The following ANKFN1 variants were observed in gnomAD, a reference collection of about 807,000 sequenced individuals.
ANKFN1 encodes ankyrin repeat and fibronectin type-III domain-containing protein 1.
A neutral mutation model predicts 108.7 loss-of-function variants in ANKFN1; 74 were observed. The ratio of observed to expected loss-of-function variants is 0.68; its 90% CI spans 0.56 to 0.83. The LOEUF is 0.83. ANKFN1 is among the 40% of genes least tolerant of loss of function. The pLI, the probability that ANKFN1 is intolerant of heterozygous loss-of-function variation, is 0.00. For missense variants in ANKFN1, 1,505 were observed against 1,382.3 expected, an observed-to-expected ratio of 1.09 and a Z score of -1.41; for synonymous variants, 547 against 516.2, an observed-to-expected ratio of 1.06 and a Z score of -0.81.
rs150567106 is a variant in ANKFN1 at position 56,259,500 on chromosome 17, T to C, written c.53+31543T>C. Among the ~76,000 whole-genome samples, 4 of 152,284 alleles carry C rather than the reference T, an allele frequency of 2.6e-5. No homozygotes were observed. In the East Asian group the frequency reaches 7.7e-4, roughly 29 times the overall value. The stretch of plus-strand genomic sequence containing the variant: ...AATTTTCTATGGATTGTCCCTGTTT[T>C]GTCACTTACTCTTAGACTTCTGTTT... On this transcript the variant is annotated intron_variant, in intron 3 of 20. Coordinates refer to ENST00000682825, the MANE Select transcript of ANKFN1 (RefSeq NM_001370326.1).
intron 4 of ANKFN1, among the ~76,000 whole-genome samples, chr17:56,139,219 A>C (rs142760279): frequency 6.6e-6 from 1 of 152,332 alleles, no homozygotes; most frequent in Non-Finnish European, 1.5e-5. Context: ...ACAAACAATA[A>C]AGTGATCACC....
At chr17:56,072,328 G>A (rs1486599226) in intron 4 of ANKFN1, among the ~76,000 whole-genome samples, 7 of 151,806 alleles carry the variant, frequency 4.6e-5, no homozygotes, top group Admixed American at 1.3e-4. Context: ...TGTAGTGTAC[G>A]TATAAGAAGG....
At chr17:56,098,926 C>T (rs551382978) in intron 4 of ANKFN1, among the ~76,000 whole-genome samples, 20 of 152,022 alleles carry the variant, frequency 1.3e-4, no homozygotes, top group African/African-American at 3.1e-4. Context: ...AATGTCTTTG[C>T]GGTTACATCT....
chr17:56,324,144 A>T (rs965949607), intron 3 of ANKFN1, among the ~76,000 whole-genome samples: 10 of 152,214 alleles, frequency 6.6e-5, no homozygotes, highest in Admixed American at 6.5e-5. Flanking sequence ...CAAAATAGCT[A>T]CAGCATGGAA....
rs1158777482 is a variant in ANKFN1, at chr17:56,511,226, C to A, written c.3398C>A (p.Pro1133His). 2 of 1,533,496 alleles carry A rather than the reference C, an allele frequency of 1.3e-6. No individual in the cohort carries two copies. Among genetic ancestry groups the A allele is most frequent in the Non-Finnish European group, 1.7e-6 (2 of 1,145,122 alleles). The allele number at this position is 1,533,496 out of a possible 1,614,324, so 95.0% of individuals were successfully genotyped here. ...GGCCCCGATGTGAGTCAGGAGGGCC[C>A]CACCGCCTCTCCCATGTCAGAAATA... is the stretch of plus-strand genomic sequence containing the variant. The part of the protein sequence containing the change: ...PTGPDVSQEG[P>H]TASPMSEILS... The change falls in exon 21 of 21, where the codon CCC becomes CAC. Residue 1133 changes from proline to histidine, a missense_variant. Transcript: ENST00000682825.
intron 8 of ANKFN1, among the ~76,000 whole-genome samples, chr17:56,377,920 G>T (rs1379409064): frequency 6.6e-6 from 1 of 151,978 alleles, no homozygotes; most frequent in African/African-American, 2.4e-5. Context: ...TGCTGCAGTA[G>T]TTGCTGCATT....
intron 1 of ANKFN1, among the ~76,000 whole-genome samples, chr17:56,158,811 C>T (rs773273996): frequency 2.1e-4 from 32 of 152,012 alleles, no homozygotes; most frequent in Non-Finnish European, 4.1e-4. Flanking sequence ...ATCTGCCTCA[C>T]ATGAAAAGCT....
chr17:56,074,500 A>C (rs1479376872), intron 4 of ANKFN1, among the ~76,000 whole-genome samples: 1 of 152,192 alleles, frequency 6.6e-6, no homozygotes, highest in African/African-American at 2.4e-5. Flanking sequence ...GTAATTTGCT[A>C]AAGAAATGCC....
intron 15 of ANKFN1, among the ~76,000 whole-genome samples, chr17:56,468,667 A>T (rs1427743205): frequency 6.6e-6 from 1 of 152,218 alleles, no homozygotes; most frequent in Non-Finnish European, 1.5e-5. Context: ...TTCCCCGCCA[A>T]GGGGTGGCAA....
At chr17:56,449,600 C>A (rs936362770) in intron 11 of ANKFN1, among the ~76,000 whole-genome samples, 1 of 152,166 alleles carries the variant, frequency 6.6e-6, no homozygotes, top group East Asian at 1.9e-4. Context: ...TAATAATAAA[C>A]CTCCATATTT....
intron 9 of ANKFN1, among the ~76,000 whole-genome samples, chr17:56,441,534 T>A (rs1397876656): frequency 3.3e-5 from 5 of 152,080 alleles, no homozygotes; most frequent in Non-Finnish European, 5.9e-5. Flanking sequence ...CCCCCAGAGA[T>A]GCTATCAGTA....
In ANKFN1 at chr17:56,296,675, C is replaced by T. The variant is rs184644550; in HGVS notation, c.54-29546C>T. Among the ~76,000 whole-genome samples the T allele has an allele frequency of 9.9e-5, 15 of 152,242 alleles. No individual in the cohort carries two copies. In the East Asian group the frequency reaches 2.9e-3, roughly 29 times the overall value. ...CTCCAGCCTGGGCGACAGAGTAAGA[C>T]TCCGTCTCAAAAAACAAACAAACAA... On this transcript the variant is annotated intron_variant, in intron 3 of 20. Transcript: ENST00000682825.
intron 10 of ANKFN1, among the ~76,000 whole-genome samples, chr17:56,446,648 T>C (rs1007424297): frequency 1.3e-5 from 2 of 152,206 alleles, no homozygotes; most frequent in African/African-American, 4.8e-5. Context: ...AAAAACTCTG[T>C]AATCCCAGTA....
rs374690451 is a variant in ANKFN1, at chr17:56,389,650, C to A, written c.910+14936C>A. Among the ~76,000 whole-genome samples, 8 of 152,154 alleles carry A rather than the reference C, an allele frequency of 5.3e-5. No individual in the cohort carries two copies. The East Asian group carries it at 1.5e-3, about 29-fold the overall frequency. ...TATTTCAAAAAATTGTGTAAGTTAG[C>A]TAGAGACAAACACAAAACTAAGGTT... On this transcript the variant is annotated intron_variant, in intron 8 of 20. Coordinates refer to ENST00000682825, the MANE Select transcript of ANKFN1 (RefSeq NM_001370326.1).
chr17:56,242,400 T>C (rs1040946993), intron 3 of ANKFN1, among the ~76,000 whole-genome samples: 1 of 152,128 alleles, frequency 6.6e-6, no homozygotes, highest in Non-Finnish European at 1.5e-5. Flanking sequence ...TAGTATTCTC[T>C]ACAAAACTCT....
At chr17:56,270,176 C>A (rs1206450860) in intron 3 of ANKFN1, among the ~76,000 whole-genome samples, 2 of 152,274 alleles carry the variant, frequency 1.3e-5, no homozygotes, top group South Asian at 4.1e-4. Context: ...TGGACAGGCA[C>A]ACCCCAATCT....
chr17:56,328,788 G>T (rs773064472), intron 4 of ANKFN1, among the ~76,000 whole-genome samples: 3 of 151,444 alleles, frequency 2.0e-5, no homozygotes, highest in South Asian at 2.1e-4. Context: ...AAAAAAAAAG[G>T]GGGGGCAGGA....
intron 3 of ANKFN1, among the ~76,000 whole-genome samples, chr17:56,237,881 G>C (rs1421665590): frequency 2.0e-5 from 3 of 151,884 alleles, no homozygotes; most frequent in African/African-American, 7.3e-5. Flanking sequence ...TTGTTAATTT[G>C]AAATCTTTCT....
In ANKFN1 at chr17:56,222,981, T is replaced by C. The variant is rs190435381; in HGVS notation, c.13-4936T>C. Among the ~76,000 whole-genome samples, 4 of 152,344 alleles carry C rather than the reference T, an allele frequency of 2.6e-5. No individual in the cohort carries two copies. In the East Asian group the frequency reaches 5.8e-4, roughly 22 times the overall value. On this transcript the variant is annotated intron_variant, in intron 2 of 20. Coordinates refer to ENST00000682825, the MANE Select transcript of ANKFN1 (RefSeq NM_001370326.1). The stretch of plus-strand genomic sequence containing the variant: ...ACCTAAATGTCTATGAATATGGGAT[T>C]TGTTAGGACATGTCCATAAATGGAA...
Sources: allele counts gnomAD v4.1 joint callset (sites outside exome capture counted in the v4.1 genomes callset), GRCh38; gene constraint gnomAD v4.1.1; transcripts MANE v1.5; gene names NCBI Gene and HGNC (gene_info 2026-07-23, HGNC 2026-07-21).